The following WDFY3 variants were observed in gnomAD, a reference collection of about 807,000 sequenced individuals.
WDFY3 encodes the protein WD repeat and FYVE domain-containing protein 3.
WDFY3 carries 66 observed loss-of-function variants against 409.6 expected under a neutral mutation model. The ratio of observed to expected loss-of-function variants is 0.16; its 90% CI spans 0.13 to 0.20. The LOEUF is 0.20. Among genes scored for constraint, WDFY3 ranks in the 10% least tolerant of loss-of-function variants. The probability of loss-of-function intolerance (pLI) is 1.00; values close to 1 mark genes in which losing one functional copy is unlikely to be tolerated. For missense variants in WDFY3, 3,031 were observed against 4,298.1 expected, an observed-to-expected ratio of 0.71 and a Z score of 8.24; for synonymous variants, 1,521 against 1,537.1, an observed-to-expected ratio of 0.99 and a Z score of 0.25.
intron 49 of WDFY3, 84 bp downstream of exon 49, chr4:84,716,811 TA>T: frequency 8.6e-7 from 1 of 1,168,460 alleles, no homozygotes; most frequent in Non-Finnish European, 1.1e-6. Context: ...AAAATAAAAA[TA>T]AAAAATAAAA....
chr4:84,822,219 C>T (rs920312501), intron 10 of WDFY3, among the ~76,000 whole-genome samples: 1 of 152,032 alleles, frequency 6.6e-6, no homozygotes, highest in Non-Finnish European at 1.5e-5. Flanking sequence ...GAAATTAAGA[C>T]AGAAAGTTCT....
intron 10 of WDFY3, among the ~76,000 whole-genome samples, chr4:84,824,900 T>C (rs1754626264): frequency 6.6e-6 from 1 of 152,206 alleles, no homozygotes; most frequent in African/African-American, 2.4e-5. Context: ...CAAAATGATG[T>C]AGCTTCACCC....
chr4:84,953,584 A>G (rs1429077439), intron 1 of WDFY3, among the ~76,000 whole-genome samples: 1 of 152,108 alleles, frequency 6.6e-6, no homozygotes, highest in Non-Finnish European at 1.5e-5. Flanking sequence ...AATACATGCT[A>G]GGGAAGTCAT....
intron 1 of WDFY3, among the ~76,000 whole-genome samples, chr4:84,935,298 C>T (rs1402210413): frequency 6.6e-6 from 1 of 152,124 alleles, no homozygotes; most frequent in African/African-American, 2.4e-5. Flanking sequence ...TTTACTTTCC[C>T]TAAAGTGTGT....
chr4:84,782,090 A>C (rs1164712833), intron 25 of WDFY3, among the ~76,000 whole-genome samples: 1 of 152,200 alleles, frequency 6.6e-6, no homozygotes, highest in Non-Finnish European at 1.5e-5. Flanking sequence ...AAAAACAAAA[A>C]CAAAAATAAC....
chr4:84,741,913 C>T lies in WDFY3; in HGVS notation c.6082G>A (p.Ala2028Thr), dbSNP rs750773466. The change falls in exon 38 of 68, where the codon GCA becomes ACA. Residue 2028 changes from alanine (A) to threonine (T), a missense_variant. Transcript: ENST00000295888. ...CCTCCACTGGTAATAGGCAGAGATG[C>T]ATCTTCCCCTAAATTCCAGTAGGAA... ...LAADVLLGED[A>T]SLPITSGGSY... The T allele has an allele frequency of 6.3e-7, 1 of 1,581,862 alleles. No homozygotes were observed. Among genetic ancestry groups the T allele is most frequent in the Non-Finnish European group, 8.6e-7 (1 of 1,159,188 alleles).
At chr4:84,745,591 T>C (rs1739293421) in intron 36 of WDFY3, among the ~76,000 whole-genome samples, 4 of 152,194 alleles carry the variant, frequency 2.6e-5, no homozygotes, top group Admixed American at 2.6e-4. Flanking sequence ...GGAAAATTGC[T>C]CTTTCTTCTG....
chr4:84,823,047 T>C (rs1754314634), intron 10 of WDFY3, among the ~76,000 whole-genome samples: 1 of 152,172 alleles, frequency 6.6e-6, no homozygotes, highest in African/African-American at 2.4e-5. Context: ...AATATGATTC[T>C]GAGAAGAAAG....
At chr4:84,870,139 C>T (rs532807409) in intron 3 of WDFY3, among the ~76,000 whole-genome samples, 2 of 152,148 alleles carry the variant, frequency 1.3e-5, no homozygotes, top group East Asian at 1.9e-4. Flanking sequence ...AGGTAATTCA[C>T]GGTACATCCA....
intron 45 of WDFY3, among the ~76,000 whole-genome samples, chr4:84,726,042 A>G (rs1735598819): frequency 6.6e-6 from 1 of 152,192 alleles, no homozygotes; most frequent in Admixed American, 6.5e-5. Flanking sequence ...TAAACAAACA[A>G]GAACACTGCA....
At chr4:84,683,420 A>G (rs1397914959) in intron 63 of WDFY3, among the ~76,000 whole-genome samples, 3 of 152,248 alleles carry the variant, frequency 2.0e-5, no homozygotes, top group African/African-American at 7.2e-5. Context: ...AACAGACTAC[A>G]AAAGTGAATA....
intron 1 of WDFY3, among the ~76,000 whole-genome samples, chr4:84,958,233 A>C (rs540544589): frequency 3.1e-4 from 47 of 152,294 alleles, no homozygotes; most frequent in African/African-American, 1.0e-3. Flanking sequence ...CTGAGCACCT[A>C]CTGTGTATAG....
Position 84,801,873 on chromosome 4 carries a change from A to C in WDFY3, c.2608-9T>G. 1 of 1,611,936 alleles carries C rather than the reference A, an allele frequency of 6.2e-7. No homozygotes were observed. Among genetic ancestry groups the C allele is most frequent in the Non-Finnish European group, 8.5e-7 (1 of 1,178,170 alleles). On this transcript the variant is annotated splice_polypyrimidine_tract_variant and intron_variant, in intron 16 of 67. Coordinates refer to ENST00000295888, the MANE Select transcript of WDFY3 (RefSeq NM_014991.6). ...TGAAGATCCAAAGCATGCTAAAATC[A>C]ACAAAGAAATCCACACAGTCAGGTC...
chr4:84,751,406 T>C (rs1242425305), intron 36 of WDFY3, 77 bp downstream of exon 36: 7 of 1,437,914 alleles, frequency 4.9e-6, no homozygotes, highest in East Asian at 4.6e-5. Flanking sequence ...ATCCTTGTTA[T>C]AGAACTTGTT....
intron 4 of WDFY3, 130 bp downstream of exon 4, chr4:84,860,282 A>C: frequency 9.3e-7 from 1 of 1,079,074 alleles, no homozygotes; most frequent in Non-Finnish European, 1.3e-6. Flanking sequence ...AAAACATGAA[A>C]CGAGAACACC....
intron 3 of WDFY3, among the ~76,000 whole-genome samples, chr4:84,894,933 G>A (rs1454638252): frequency 7.4e-6 from 1 of 134,816 alleles, no homozygotes; most frequent in African/African-American, 2.8e-5. Context: ...CTGGGCAACA[G>A]AGTGAGACTG....
intron 9 of WDFY3, among the ~76,000 whole-genome samples, chr4:84,827,824 TAAC>T (rs1442779978): frequency 6.6e-6 from 1 of 152,176 alleles, no homozygotes; most frequent in African/African-American, 2.4e-5. Context: ...GTGTTAGAAA[TAAC>T]AAGTTCTGGC....
intron 32 of WDFY3, among the ~76,000 whole-genome samples, chr4:84,760,959 C>T (rs1263668433): frequency 4.7e-5 from 7 of 149,108 alleles, no homozygotes; most frequent in African/African-American, 1.7e-4. Context: ...ATAAATTTCC[C>T]TCTACACACT....
At position 84,921,070 on chromosome 4, in the gene WDFY3, A is replaced by C. The variant is rs572995561; in HGVS notation, c.-132+11200T>G. ...AAAGAACTTAATGGATTAACTTGAAAAAAACCCAACACTAATAAAATATAT... is the reference window on the plus strand; with the variant it reads ...AAAGAACTTAATGGATTAACTTGAACAAAACCCAACACTAATAAAATATAT... On this transcript the variant is annotated intron_variant, in intron 2 of 67. Coordinates refer to ENST00000295888, the MANE Select transcript of WDFY3 (RefSeq NM_014991.6). Among the ~76,000 whole-genome samples, 3 of 152,336 alleles carry C rather than the reference A, an allele frequency of 2.0e-5. No individual in the cohort carries two copies. The East Asian group carries it at 5.8e-4, about 29-fold the overall frequency.
Sources: gnomAD v4.1 joint callset for allele counts (sites outside exome capture counted in the v4.1 genomes callset) on GRCh38, gnomAD v4.1.1 for gene constraint, MANE v1.5 for transcripts, NCBI Gene and HGNC (gene_info 2026-07-23, HGNC 2026-07-21) for gene names.